ZNF248: variants seen among roughly 807,000 people sequenced by gnomAD.
ZNF248 encodes zinc finger protein 248, also known as KRAB protein domain.
Under a neutral mutation model 44.3 loss-of-function variants are expected in ZNF248, and 20 were observed. That is an observed-to-expected ratio of 0.45 (90% CI 0.32 to 0.66). The LOEUF (loss-of-function observed/expected upper bound fraction) is 0.66. Among genes scored for constraint, ZNF248 ranks in the 30% least tolerant of loss-of-function variants. The pLI is 0.04. For missense variants in ZNF248, 654 were observed against 677.0 expected (o/e 0.97, Z 0.38); for synonymous variants, 224 against 229.0 (o/e 0.98, Z 0.20).
Position 37,856,448 on chromosome 10 carries a change from G to A in ZNF248, c.-41C>T. 6.9e-7 allele frequency: 1 copy of A among 1,439,506 alleles called. No homozygotes were observed. Among genetic ancestry groups the A allele is most frequent in the Non-Finnish European group, 9.2e-7 (1 of 1,091,362 alleles). 89.2% of individuals were successfully genotyped at this position (1,439,506 alleles called of 1,614,324 possible). On this transcript the variant is annotated 5_prime_UTR_variant, in exon 2 of 6. Transcript: ENST00000395867. The stretch of plus-strand genomic sequence containing the variant: ...CAAGATACTTACGTGTCCATGTGTG[G>A]CTCCGATATATGCTGAGCTCAGACA...
intron 6 of ZNF248, among the ~76,000 whole-genome samples, chr10:37,805,883 C>A (rs2050484943): frequency 6.6e-6 from 1 of 152,034 alleles, no homozygotes; most frequent in Non-Finnish European, 1.5e-5. Context: ...ACATATGGTA[C>A]AGTATTCAGA....
chr10:37,818,016 C>T (rs1564526711), intron 6 of ZNF248, among the ~76,000 whole-genome samples: 2 of 151,998 alleles, frequency 1.3e-5, no homozygotes, highest in Admixed American at 1.3e-4. Flanking sequence ...CTCGGGTTCA[C>T]GACATTCTCC....
At chr10:37,780,977 G>T (rs764459556) in intron 6 of ZNF248, among the ~76,000 whole-genome samples, 4 of 151,232 alleles carry the variant, frequency 2.6e-5, no homozygotes, top group Non-Finnish European at 4.4e-5. Context: ...GACCGTGCGG[G>T]ACACGTTTTT....
At chr10:37,852,265 A>G (rs1358755863) in intron 3 of ZNF248, among the ~76,000 whole-genome samples, 1 of 151,248 alleles carries the variant, frequency 6.6e-6, no homozygotes, top group Non-Finnish European at 1.5e-5. Flanking sequence ...AAAAAATGTG[A>G]TATATCCATA....
rs1446687609 is a variant in ZNF248 at position 37,842,191 on chromosome 10, A to C, written c.16-4080T>G. Among the ~76,000 whole-genome samples the C allele has an allele frequency of 2.6e-5, 4 of 152,296 alleles. No homozygotes were observed. In the East Asian group the frequency reaches 7.7e-4, roughly 29 times the overall value. On this transcript the variant is annotated intron_variant, in intron 3 of 5. Transcript: ENST00000395867. ...TTTTCCATAAATCTAAAACTCTCCT[A>C]AAGCAGAAAGTTTATATAATAAGAA... is the stretch of plus-strand genomic sequence containing the variant.
chr10:37,797,949 T>C (rs184510837), intron 6 of ZNF248, among the ~76,000 whole-genome samples: 1 of 152,262 alleles, frequency 6.6e-6, no homozygotes, highest in African/African-American at 2.4e-5. Context: ...TCAGCAAGTC[T>C]ACTCCTAGGT....
At chr10:37,797,813 T>C (rs945014160) in intron 6 of ZNF248, among the ~76,000 whole-genome samples, 8 of 152,074 alleles carry the variant, frequency 5.3e-5, no homozygotes, top group South Asian at 2.1e-4. Context: ...AAAACAAGTA[T>C]TGGTGAGATG....
chr10:37,787,550 C>A (rs1392984591), intron 6 of ZNF248, among the ~76,000 whole-genome samples: 2 of 149,948 alleles, frequency 1.3e-5, no homozygotes, highest in African/African-American at 4.9e-5. Context: ...TGATTTTTGA[C>A]AAAAGTGCCA....
At chr10:37,763,552 T>C in the ZNF248 span, among the ~76,000 whole-genome samples, 5 of 152,190 alleles carry the variant, frequency 3.3e-5, no homozygotes, top group Admixed American at 3.3e-4. Context: ...TTATTTCACA[T>C]AAAAGACTGT....
In ZNF248 at chr10:37,843,464, T is replaced by C. The variant is rs971812690; in HGVS notation, c.16-5353A>G. ...AGAAAAAAAGAAAAACAGCAAACCT[T>C]GGGGAAGCGTAAAAATCTGATTTCC... On this transcript the variant is annotated intron_variant, in intron 3 of 5. Coordinates refer to ENST00000395867, the MANE Select transcript of ZNF248 (RefSeq NM_021045.3). Among the ~76,000 whole-genome samples the C allele has an allele frequency of 2.0e-5, 3 of 151,304 alleles. No homozygotes were observed. In the East Asian group the frequency reaches 5.8e-4, roughly 29 times the overall value.
intron 6 of ZNF248, among the ~76,000 whole-genome samples, chr10:37,793,862 C>T (rs371342733): frequency 6.6e-6 from 1 of 152,142 alleles, no homozygotes; most frequent in African/African-American, 2.4e-5. Context: ...GATGCAAAAA[C>T]TGTGATGACA....
At chr10:37,804,794 C>T (rs1337519700) in intron 6 of ZNF248, among the ~76,000 whole-genome samples, 1 of 152,106 alleles carries the variant, frequency 6.6e-6, no homozygotes, top group Admixed American at 6.5e-5. Context: ...AAATCATTGA[C>T]GAAGTTTCCA....
chr10:37,809,729 C>T (rs1423341030), intron 6 of ZNF248, among the ~76,000 whole-genome samples: 3 of 152,088 alleles, frequency 2.0e-5, no homozygotes, highest in African/African-American at 7.2e-5. Flanking sequence ...TGTTTTGTTT[C>T]TGTTTTCAGT....
At chr10:37,792,486 AG>A (rs2048674945) in intron 6 of ZNF248, among the ~76,000 whole-genome samples, 1 of 152,230 alleles carries the variant, frequency 6.6e-6, no homozygotes, top group Non-Finnish European at 1.5e-5. Flanking sequence ...TCATGCCTAG[AG>A]TATGAGCTGG....
chr10:37,831,115 A>G lies in ZNF248; in HGVS notation c.*500T>C. The G allele has an allele frequency of 7.0e-7, 1 of 1,419,688 alleles. No homozygotes were observed. The highest frequency in any genetic ancestry group is 9.2e-7 in the Non-Finnish European group (1 of 1,082,834). The allele number at this position is 1,419,688 out of a possible 1,614,324, so 87.9% of individuals were successfully genotyped here. A position where few individuals can be genotyped will look rare whatever the true frequency, so the allele number is the denominator to read the frequency against. ...ACACCAATGGTATTTAGTGTAGAAA[A>G]TATTAACAAATACCATAGTAGTTAC... is the stretch of plus-strand genomic sequence containing the variant. On this transcript the variant is annotated 3_prime_UTR_variant, in exon 6 of 6. Coordinates refer to ENST00000395867, the MANE Select transcript of ZNF248 (RefSeq NM_021045.3).
intron 6 of ZNF248, among the ~76,000 whole-genome samples, chr10:37,785,926 T>C (rs1309166113): frequency 6.6e-6 from 1 of 152,214 alleles, no homozygotes; most frequent in Non-Finnish European, 1.5e-5. Flanking sequence ...TGCACACAAA[T>C]TGTGCAGATC....
At position 37,829,898 on chromosome 10, in the gene ZNF248, TACC is replaced by T; in HGVS notation, c.*1714_*1716del. On this transcript the variant is annotated 3_prime_UTR_variant, in exon 6 of 6. Coordinates refer to ENST00000395867, the MANE Select transcript of ZNF248 (RefSeq NM_021045.3). Reference sequence around the variant, plus strand: ...TGATTAGCTTTGACTAATCTGGACTTACCACCTAAGTCATCTGGGAGAAGGATG... The same window carrying T: ...TGATTAGCTTTGACTAATCTGGACTTACCTAAGTCATCTGGGAGAAGGATG... 1.0e-6 allele frequency: 1 copy of T among 985,394 alleles called. No individual in the cohort carries two copies. Among genetic ancestry groups the T allele is most frequent in the Non-Finnish European group, 1.2e-6 (1 of 829,922 alleles). The allele number at this position is 985,394 out of a possible 1,614,324, so 61.0% of individuals were successfully genotyped here. A position where few individuals can be genotyped will look rare whatever the true frequency, so the allele number is the denominator to read the frequency against.
At chr10:37,780,708 C>T (rs531721402) in intron 6 of ZNF248, among the ~76,000 whole-genome samples, 3 of 152,190 alleles carry the variant, frequency 2.0e-5, no homozygotes, top group East Asian at 1.9e-4. Context: ...CCTGGACGCG[C>T]GCGCACGTGC....
chr10:37,852,775 TTTTTA>T (rs2060531674), intron 3 of ZNF248, among the ~76,000 whole-genome samples: 1 of 151,324 alleles, frequency 6.6e-6, no homozygotes, highest in Admixed American at 6.6e-5. Flanking sequence ...ACATTTTGTG[TTTTTA>T]TTTAATTTAG....
Sources: gnomAD v4.1 joint callset for allele counts (sites outside exome capture counted in the v4.1 genomes callset) on GRCh38, gnomAD v4.1.1 for gene constraint, MANE v1.5 for transcripts, NCBI Gene and HGNC (gene_info 2026-07-23, HGNC 2026-07-21) for gene names.